The following ZNF804B variants were observed in gnomAD, a reference collection of about 807,000 sequenced individuals.
ZNF804B encodes zinc finger protein 804B.
In ZNF804B, 80 loss-of-function variants were observed where a neutral mutation model predicts 101.4. That is an observed-to-expected ratio of 0.79 (90% CI 0.66 to 0.95). The LOEUF is 0.95. Ranked by LOEUF, ZNF804B falls within the 40% of genes least tolerant of loss-of-function variation. The pLI, the probability that ZNF804B is intolerant of heterozygous loss-of-function variation, is 0.00. For missense variants in ZNF804B, 1,673 were observed against 1,561.9 expected (o/e 1.07, Z -1.20); for synonymous variants, 622 against 558.8 (o/e 1.11, Z -1.59).
At chr7:89,051,696 T>G (rs1389097349) in intron 1 of ZNF804B, among the ~76,000 whole-genome samples, 3 of 152,170 alleles carry the variant, frequency 2.0e-5, no homozygotes, top group Non-Finnish European at 4.4e-5. Context: ...ATTTTTGAGT[T>G]TTATTTCATC....
intron 1 of ZNF804B, among the ~76,000 whole-genome samples, chr7:88,977,298 T>C (rs2116124523): frequency 6.6e-6 from 1 of 151,530 alleles, no homozygotes; most frequent in East Asian, 2.0e-4. Context: ...ATTTTTTTTT[T>C]TGAATAGTTT....
chr7:89,193,760 C>T (rs557267740), intron 1 of ZNF804B, among the ~76,000 whole-genome samples: 20 of 152,060 alleles, frequency 1.3e-4, no homozygotes, highest in African/African-American at 4.8e-4. Flanking sequence ...GTGAATAGTG[C>T]CACAATAAAC....
intron 2 of ZNF804B, among the ~76,000 whole-genome samples, chr7:89,279,387 T>G (rs910448615): frequency 6.6e-6 from 1 of 150,736 alleles, no homozygotes; most frequent in Non-Finnish European, 1.5e-5. Context: ...TCCAACACTA[T>G]GTTGAATAGG....
At chr7:88,932,986 A>G (rs937942745) in intron 1 of ZNF804B, among the ~76,000 whole-genome samples, 1 of 151,874 alleles carries the variant, frequency 6.6e-6, no homozygotes, top group Non-Finnish European at 1.5e-5. Flanking sequence ...ATGAAAGCAC[A>G]TAACAACAAC....
chr7:88,835,350 A>G lies in ZNF804B; in HGVS notation c.108+75266A>G, dbSNP rs186971666. The stretch of plus-strand genomic sequence containing the variant: ...ATATATTGAATTTTAATCCCCGTCA[A>G]AAAAGGGGAACCAGGCCTTCTTAGA... On this transcript the variant is annotated intron_variant, in intron 1 of 3. Coordinates refer to ENST00000333190, the MANE Select transcript of ZNF804B (RefSeq NM_181646.5). Among the ~76,000 whole-genome samples the G allele has an allele frequency of 1.9e-3, 286 of 151,998 alleles. 1 individual carries two copies. Among genetic ancestry groups the G allele is most frequent in the African/African-American group, 6.7e-3 (277 of 41,540 alleles).
intron 1 of ZNF804B, among the ~76,000 whole-genome samples, chr7:88,810,060 G>C (rs1018886606): frequency 1.3e-5 from 2 of 152,056 alleles, no homozygotes; most frequent in African/African-American, 4.8e-5. Context: ...CTTGTATCTC[G>C]TAACCCAGAT....
intron 1 of ZNF804B, among the ~76,000 whole-genome samples, chr7:89,115,436 T>A (rs776560105): frequency 8.5e-5 from 13 of 152,314 alleles, no homozygotes; most frequent in Non-Finnish European, 1.9e-4. Flanking sequence ...CCCAGGGAGA[T>A]GCATCCTATT....
chr7:89,163,131 C>G (rs1022121580), intron 1 of ZNF804B, among the ~76,000 whole-genome samples: 2 of 151,598 alleles, frequency 1.3e-5, no homozygotes, highest in Non-Finnish European at 2.9e-5. Context: ...AAGATAAAGC[C>G]AAGTTTGGTA....
intron 1 of ZNF804B, among the ~76,000 whole-genome samples, chr7:88,844,395 T>C (rs1011433521): frequency 1.1e-4 from 17 of 152,210 alleles, no homozygotes; most frequent in African/African-American, 4.1e-4. Context: ...CCCAACCTTC[T>C]TTTTTGTGAC....
intron 1 of ZNF804B, among the ~76,000 whole-genome samples, chr7:89,085,304 A>G (rs1304759655): frequency 1.3e-5 from 2 of 151,992 alleles, no homozygotes; most frequent in Non-Finnish European, 2.9e-5. Context: ...TCCTAGTTTT[A>G]TAGAACTCCA....
chr7:88,833,502 A>G (rs1791163554), intron 1 of ZNF804B, among the ~76,000 whole-genome samples: 1 of 151,516 alleles, frequency 6.6e-6, no homozygotes, highest in Admixed American at 6.6e-5. Context: ...GAAGGTAGAA[A>G]GTCAGGGACT....
In ZNF804B at chr7:89,334,424, A is replaced by T; in HGVS notation, c.1442A>T (p.Asp481Val). The T allele has an allele frequency of 6.2e-7, 1 of 1,613,726 alleles. No homozygotes were observed. Among genetic ancestry groups the T allele is most frequent in the Non-Finnish European group, 8.5e-7 (1 of 1,179,832 alleles). ...ISYGCNPLYF[D>V]FKLSRNTKED... The stretch of plus-strand genomic sequence containing the variant: ...TATGGCTGCAACCCACTGTATTTTG[A>T]TTTTAAGCTTTCTCGGAACACAAAG... Residue 481 changes from aspartate (D) to valine (V), a missense_variant, in exon 4 of 4, where the codon GAT becomes GTT. Physicochemically the swap from Asp to Val is radical, Grantham distance 152. Coordinates refer to ENST00000333190, the MANE Select transcript of ZNF804B (RefSeq NM_181646.5).
intron 1 of ZNF804B, among the ~76,000 whole-genome samples, chr7:88,969,848 G>A (rs1376521344): frequency 6.6e-6 from 1 of 151,370 alleles, no homozygotes; most frequent in Non-Finnish European, 1.5e-5. Flanking sequence ...TATATAAATT[G>A]CATAAATATT....
At chr7:89,229,923 AC>A (rs1330292474) in intron 2 of ZNF804B, among the ~76,000 whole-genome samples, 2 of 152,198 alleles carry the variant, frequency 1.3e-5, no homozygotes. Flanking sequence ...AACTCACAAA[AC>A]CCTTGGAGAT....
chr7:89,326,779 G>C (rs1465935990), intron 2 of ZNF804B, among the ~76,000 whole-genome samples: 1 of 151,908 alleles, frequency 6.6e-6, no homozygotes, highest in African/African-American at 2.4e-5. Context: ...TTAAATCCCT[G>C]ACTCATTTTT....
chr7:89,050,033 A>T (rs12535288), intron 1 of ZNF804B, among the ~76,000 whole-genome samples: 3 of 151,878 alleles, frequency 2.0e-5, no homozygotes, highest in African/African-American at 7.3e-5. Flanking sequence ...GAAAACAAAA[A>T]ATTTCTCACT....
chr7:89,216,247 G>A (rs1480790229), intron 1 of ZNF804B, among the ~76,000 whole-genome samples: 2 of 151,706 alleles, frequency 1.3e-5, no homozygotes, highest in Non-Finnish European at 2.9e-5. Context: ...GGGGGAGGTC[G>A]CGGTGAGCCG....
At chr7:88,904,588 G>A (rs527744509) in intron 1 of ZNF804B, among the ~76,000 whole-genome samples, 1 of 152,176 alleles carries the variant, frequency 6.6e-6, no homozygotes, top group African/African-American at 2.4e-5. Context: ...CATGAGCATG[G>A]AATATTTTTT....
chr7:89,175,648 AT>A (rs1791306164), intron 1 of ZNF804B, among the ~76,000 whole-genome samples: 1 of 151,986 alleles, frequency 6.6e-6, no homozygotes, highest in Non-Finnish European at 1.5e-5. Context: ...CAATGTGTAG[AT>A]TGCTTTTGGT....
Sources: gnomAD v4.1 joint callset for allele counts (sites outside exome capture counted in the v4.1 genomes callset) on GRCh38, gnomAD v4.1.1 for gene constraint, MANE v1.5 for transcripts, NCBI Gene and HGNC (gene_info 2026-07-23, HGNC 2026-07-21) for gene names.